Variants in MRTFB observed in about 807,000 individuals in gnomAD.
The protein encoded by MRTFB is myocardin-related transcription factor B.
In MRTFB, 29 loss-of-function variants were observed where a neutral mutation model predicts 104.2. That is an observed-to-expected ratio of 0.28 (90% CI 0.21 to 0.38). The LOEUF (loss-of-function observed/expected upper bound fraction) is 0.38, where lower values mean the gene tolerates loss of function less well. Among genes scored for constraint, MRTFB ranks in the 10% least tolerant of loss-of-function variants. MRTFB has a pLI of 1.00. For missense variants in MRTFB, 1,270 were observed against 1,341.6 expected (o/e 0.95, Z 0.83); for synonymous variants, 535 against 519.5 (o/e 1.03, Z -0.41).
intron 16 of MRTFB, 108 bp from the exon 17 acceptor site, chr16:14,260,801 T>C: frequency 1.1e-6 from 1 of 886,450 alleles, no homozygotes; most frequent in Non-Finnish European, 1.7e-6. Context: ...AAGACGGACG[T>C]GCATAGAAGG....
In MRTFB at chr16:14,121,203, C is replaced by CTT. The variant is rs75728032; in HGVS notation, c.-63-19329_-63-19328dup. 2.3e-3 allele frequency among the ~76,000 whole-genome samples: 321 copies of CTT among 136,744 alleles called. 1 individual carries two copies. The highest frequency in any genetic ancestry group is 7.3e-3 in the African/African-American group (277 of 37,874). 89.7% of individuals were successfully genotyped at this position (136,744 alleles called of 152,430 possible). On this transcript the variant is annotated intron_variant, in intron 2 of 16. Coordinates refer to ENST00000571589, the MANE Select transcript of MRTFB (RefSeq NM_001308142.2). ...TCATTTTCTTTTTCAGTTAATATGG[C>CTT]TTTTTTTTTTTTTACATTGAGCTTT...
chr16:14,127,378 C>T (rs1037114083), intron 2 of MRTFB, among the ~76,000 whole-genome samples: 1 of 151,960 alleles, frequency 6.6e-6, no homozygotes, highest in Admixed American at 6.6e-5. Context: ...GACTAAGGGC[C>T]GGGTGCGGTA....
At chr16:14,212,141 G>A (rs973016265) in intron 4 of MRTFB, among the ~76,000 whole-genome samples, 18 of 152,146 alleles carry the variant, frequency 1.2e-4, no homozygotes, top group African/African-American at 3.1e-4. Context: ...GTATACAATC[G>A]TGTTTTAAAT....
At position 14,252,382 on chromosome 16, in the gene MRTFB, A is replaced by G; in HGVS notation, c.2583A>G (p.Pro861=). The change falls in exon 15 of 17, where the codon CCA becomes CCG. Residue 861 remains proline, a synonymous_variant. Transcript: ENST00000571589. ...NTPNKPSSPP[P]PQQFVVQHSL... ...TGACACAGCCTAGTTCACCCCCGCC[A>G]CCCCAGCAATTTGTCGTCCAGCACT... 1 of 1,611,976 alleles carries G rather than the reference A, an allele frequency of 6.2e-7. No individual in the cohort carries two copies. The highest frequency in any genetic ancestry group is 8.5e-7 in the Non-Finnish European group (1 of 1,179,234).
At chr16:14,221,012 A>G (rs1024656063) in intron 8 of MRTFB, among the ~76,000 whole-genome samples, 69 of 152,198 alleles carry the variant, frequency 4.5e-4, no homozygotes, top group African/African-American at 1.6e-3. Context: ...GATTCTTATT[A>G]TACTTTTATT....
chr16:14,056,961 G>A, the MRTFB span, among the ~76,000 whole-genome samples: 1 of 152,128 alleles, frequency 6.6e-6, no homozygotes, highest in Non-Finnish European at 1.5e-5. Flanking sequence ...CTGGTAAGCT[G>A]TAAAAATATG....
chr16:14,152,963 G>A (rs1167662373), intron 3 of MRTFB: 2 of 152,036 alleles, frequency 1.3e-5, no homozygotes, highest in Non-Finnish European at 2.9e-5. Context: ...TTTAAAAATG[G>A]GACACAGGCA....
chr16:14,179,844 A>G (rs1380637552), intron 3 of MRTFB, among the ~76,000 whole-genome samples: 2 of 152,192 alleles, frequency 1.3e-5, no homozygotes, highest in Admixed American at 6.5e-5. Flanking sequence ...TTTCCTTACC[A>G]TTCTCCTGTG....
At chr16:14,200,659 C>T in intron 3 of MRTFB, 3 of 1,558,150 alleles carry the variant, frequency 1.9e-6, no homozygotes, top group Non-Finnish European at 2.7e-6. Context: ...ATGGAAAGAG[C>T]CACTGGGTGT....
chr16:14,240,910 G>C (rs1191137733), intron 10 of MRTFB: 1 of 611,352 alleles, frequency 1.6e-6, no homozygotes, highest in Non-Finnish European at 2.9e-6. Flanking sequence ...TAGAAGGCTC[G>C]AGAAGGGCCT....
At chr16:14,061,187 C>T in the MRTFB span, among the ~76,000 whole-genome samples, 1 of 152,092 alleles carries the variant, frequency 6.6e-6, no homozygotes, top group African/African-American at 2.4e-5. Context: ...GTGTTTTGCT[C>T]ATTTTGTGCC....
At chr16:14,225,656 G>GCATTCATTCATTCATT (rs74275913) in intron 8 of MRTFB, among the ~76,000 whole-genome samples, 29 of 151,286 alleles carry the variant, frequency 1.9e-4, no homozygotes, top group African/African-American at 6.4e-4. Flanking sequence ...CATCCAGAAA[G>GCATTCATTCATTCATT]CATTCATTCA....
the MRTFB span, among the ~76,000 whole-genome samples, chr16:14,064,588 A>G: frequency 6.6e-6 from 1 of 152,136 alleles, no homozygotes. Context: ...AAGTTTTTAT[A>G]GTGAGGTTTT....
chr16:14,181,147 T>C (rs558879505), intron 3 of MRTFB, among the ~76,000 whole-genome samples: 6 of 152,194 alleles, frequency 3.9e-5, no homozygotes, highest in Admixed American at 3.3e-4. Flanking sequence ...TTTAAAGACA[T>C]GCTATCTGAT....
chr16:14,019,709 T>C, the MRTFB span, among the ~76,000 whole-genome samples: 1 of 152,192 alleles, frequency 6.6e-6, no homozygotes, highest in Non-Finnish European at 1.5e-5. Context: ...AAACCATTTC[T>C]ACATTAAGCC....
intron 3 of MRTFB, among the ~76,000 whole-genome samples, chr16:14,192,991 A>G (rs2040255689): frequency 6.6e-6 from 1 of 152,034 alleles, no homozygotes; most frequent in Non-Finnish European, 1.5e-5. Flanking sequence ...TGTCCACAGC[A>G]CTGTATCATC....
rs1001345358 is a variant in MRTFB, at chr16:14,177,852, T to A, written c.155-32391T>A. Among the ~76,000 whole-genome samples, 2 of 151,098 alleles carry A rather than the reference T, an allele frequency of 1.3e-5. No individual in the cohort carries two copies. The highest frequency in any genetic ancestry group is 2.9e-5 in the Non-Finnish European group (2 of 67,806). On this transcript the variant is annotated intron_variant, in intron 3 of 16. Coordinates refer to ENST00000571589, the MANE Select transcript of MRTFB (RefSeq NM_001308142.2). This position sits in a 1 kb window ranked among gnomAD's most constrained non-coding sequence, Gnocchi z 4.7. ...AAAAGAAAAAGAATGAAAAGAAAAC[T>A]CATTTAGAAACTATTATTTAGAAAG...
chr16:14,083,543 G>C (rs2034527918), intron 2 of MRTFB, among the ~76,000 whole-genome samples: 1 of 152,122 alleles, frequency 6.6e-6, no homozygotes, highest in Admixed American at 6.5e-5. Context: ...TTACTGTGTT[G>C]GGCCTGGTGT....
At chr16:14,209,666 G>T (rs1828871054) in intron 3 of MRTFB, among the ~76,000 whole-genome samples, 1 of 152,038 alleles carries the variant, frequency 6.6e-6, no homozygotes. Flanking sequence ...ACTGATTTGT[G>T]ACTTTCTTAG....
Sources: allele counts gnomAD v4.1 joint callset (sites outside exome capture counted in the v4.1 genomes callset), GRCh38; gene constraint gnomAD v4.1.1; non-coding constraint Gnocchi (gnomAD v3.1); transcripts MANE v1.5; gene names NCBI Gene and HGNC (gene_info 2026-07-23, HGNC 2026-07-21).